PALLD: variants seen among roughly 807,000 people sequenced by gnomAD.
PALLD encodes palladin.
Under a neutral mutation model 123.5 loss-of-function variants are expected in PALLD, and 61 were observed. The ratio of observed to expected loss-of-function variants is 0.49; its 90% confidence interval spans 0.40 to 0.61. The LOEUF (loss-of-function observed/expected upper bound fraction) is 0.61. PALLD is among the 20% of genes least tolerant of loss of function. The pLI, the probability that PALLD is intolerant of heterozygous loss-of-function variation, is 0.00. For missense variants in PALLD, 1,273 were observed against 1,377.0 expected (o/e 0.92, Z 1.20); for synonymous variants, 465 against 496.4 (o/e 0.94, Z 0.84).
intron 2 of PALLD, among the ~76,000 whole-genome samples, chr4:168,615,748 A>G (rs1355815230): frequency 1.3e-5 from 2 of 152,046 alleles, no homozygotes; most frequent in African/African-American, 2.4e-5. Context: ...TTGAGGTATC[A>G]CTCACCAAAG....
intron 2 of PALLD, among the ~76,000 whole-genome samples, chr4:168,579,308 T>C (rs1413427974): frequency 6.6e-6 from 1 of 152,194 alleles, no homozygotes; most frequent in African/African-American, 2.4e-5. Context: ...ATTGGGGATA[T>C]TAAATGGAAT....
chr4:168,813,284 C>T (rs933477016), intron 10 of PALLD, among the ~76,000 whole-genome samples: 19 of 152,052 alleles, frequency 1.2e-4, no homozygotes, highest in African/African-American at 4.6e-4. Flanking sequence ...TTTAACATAT[C>T]TTCTTTACTT....
intron 9 of PALLD, 92 bp downstream of exon 9, chr4:168,709,239 G>A (rs1784495062): frequency 1.5e-6 from 2 of 1,332,530 alleles, no homozygotes; most frequent in Non-Finnish European, 2.1e-6. Flanking sequence ...GCCAGGTGCA[G>A]TGGCTCACAC....
intron 2 of PALLD, among the ~76,000 whole-genome samples, chr4:168,616,269 T>C (rs907745848): frequency 1.3e-5 from 2 of 152,204 alleles, no homozygotes; most frequent in African/African-American, 4.8e-5. Flanking sequence ...TGCTTAAACC[T>C]TTTCTCATTT....
At chr4:168,905,586 G>C (rs1024955286) in intron 15 of PALLD, among the ~76,000 whole-genome samples, 2 of 151,952 alleles carry the variant, frequency 1.3e-5, no homozygotes, top group Non-Finnish European at 2.9e-5. Context: ...AGCTAATCAG[G>C]TTGTGATAGA....
rs116836997 is a variant in PALLD, at chr4:168,907,421, T to A, written c.2622+3515T>A. On this transcript the variant is annotated intron_variant, in intron 15 of 21. Transcript: ENST00000505667. ...TGTGTGGTCTTCTGACCTCCTGGCT[T>A]TTCCATTTTATCACCTCCATGGGAA... Among the ~76,000 whole-genome samples, 209 of 152,274 alleles carry A rather than the reference T, an allele frequency of 1.4e-3. 1 individual carries two copies. Among genetic ancestry groups the A allele is most frequent in the Admixed American group, 3.4e-3 (52 of 15,306 alleles).
chr4:168,603,799 G>A (rs1268256228), intron 2 of PALLD, among the ~76,000 whole-genome samples: 1 of 152,146 alleles, frequency 6.6e-6, no homozygotes, highest in Admixed American at 6.5e-5. Context: ...ATGCAAAAAG[G>A]TTCCATAGTA....
At chr4:168,676,125 T>C (rs936098951) in intron 3 of PALLD, among the ~76,000 whole-genome samples, 2 of 152,244 alleles carry the variant, frequency 1.3e-5, no homozygotes, top group Non-Finnish European at 2.9e-5. Flanking sequence ...TTTTTATCTT[T>C]CCAATTTTTT....
At chr4:168,699,115 G>C (rs1407676195) in intron 8 of PALLD, among the ~76,000 whole-genome samples, 2 of 152,058 alleles carry the variant, frequency 1.3e-5, no homozygotes, top group African/African-American at 2.4e-5. Flanking sequence ...GTCTTGATCT[G>C]TTGCCCAGGC....
chr4:168,899,913 G>A (rs1284785855), intron 14 of PALLD, among the ~76,000 whole-genome samples: 6 of 148,336 alleles, frequency 4.0e-5, no homozygotes, highest in South Asian at 2.1e-4. Flanking sequence ...GTGAGACTCC[G>A]TCTCAAAAAA....
At chr4:168,853,227 AT>A (rs1748056608) in intron 10 of PALLD, among the ~76,000 whole-genome samples, 1 of 152,118 alleles carries the variant, frequency 6.6e-6, no homozygotes, top group African/African-American at 2.4e-5. Flanking sequence ...GTGTACAGAC[AT>A]TTTTTTCCTT....
chr4:168,613,336 C>G (rs1407083219), intron 2 of PALLD, among the ~76,000 whole-genome samples: 1 of 152,192 alleles, frequency 6.6e-6, no homozygotes, highest in Non-Finnish European at 1.5e-5. Flanking sequence ...AGATAAACAT[C>G]TTGACTGAGG....
intron 10 of PALLD, among the ~76,000 whole-genome samples, chr4:168,766,951 G>T (rs1252546228): frequency 6.6e-6 from 1 of 152,310 alleles, no homozygotes; most frequent in East Asian, 1.9e-4. Flanking sequence ...CAATGACCCT[G>T]TAAGTTATCT....
chr4:168,589,741 A>G (rs9884890), intron 2 of PALLD, among the ~76,000 whole-genome samples: 3,454 of 152,284 alleles, frequency 0.023, 113 homozygotes, highest in African/African-American at 0.075. Flanking sequence ...GTTGAGCCTC[A>G]CTCGCAACTG....
In PALLD at chr4:168,544,653, G is replaced by A. The variant is rs576676600; in HGVS notation, c.908+32241G>A. Reference sequence around the variant, plus strand: ...TTGCAAAATCAAAAAGGATAATTTCGTTTTACACTTATTTCTATTATCAGC... The same window carrying A: ...TTGCAAAATCAAAAAGGATAATTTCATTTTACACTTATTTCTATTATCAGC... On this transcript the variant is annotated intron_variant, in intron 2 of 21. Transcript: ENST00000505667. Among the ~76,000 whole-genome samples the A allele has an allele frequency of 1.1e-4, 17 of 152,182 alleles. 1 individual carries two copies. Among genetic ancestry groups the A allele is most frequent in the South Asian group, 6.2e-4 (3 of 4,822 alleles).
At chr4:168,613,210 G>T (rs1383304771) in intron 2 of PALLD, among the ~76,000 whole-genome samples, 3 of 152,156 alleles carry the variant, frequency 2.0e-5, no homozygotes, top group African/African-American at 7.2e-5. Flanking sequence ...GGACTGAGGG[G>T]TTTACTGGGA....
At position 168,512,299 on chromosome 4, in the gene PALLD, C is replaced by G. The variant is rs1030968980; in HGVS notation, c.795C>G (p.Leu265=). The change falls in exon 2 of 22, where the codon CTC becomes CTG. Residue 265 remains leucine, a synonymous_variant. Coordinates refer to ENST00000505667, the MANE Select transcript of PALLD (RefSeq NM_001166108.2). ...CTCACCCACAGCCCCACAGCGCCCT[C>G]CACTTCCCAGCTGCACCTCGATTCA... ...RKSHPQPHSA[L]HFPAAPRFIQ... 3 of 1,614,198 alleles carry G rather than the reference C, an allele frequency of 1.9e-6. No individual in the cohort carries two copies. Among genetic ancestry groups the G allele is most frequent in the Non-Finnish European group, 2.5e-6 (3 of 1,180,034 alleles).
At chr4:168,544,323 A>G (rs557474912) in intron 2 of PALLD, among the ~76,000 whole-genome samples, 5 of 152,380 alleles carry the variant, frequency 3.3e-5, no homozygotes, top group African/African-American at 1.2e-4. Flanking sequence ...TATGCCTGGC[A>G]TAGGCCCTGT....
At chr4:168,883,033 T>C (rs1323183257) in intron 10 of PALLD, among the ~76,000 whole-genome samples, 1 of 149,856 alleles carries the variant, frequency 6.7e-6, no homozygotes, top group Non-Finnish European at 1.5e-5. Context: ...GAGGTTGCAG[T>C]GAGCTGAGAT....
Sources: allele counts gnomAD v4.1 joint callset (sites outside exome capture counted in the v4.1 genomes callset), GRCh38; gene constraint gnomAD v4.1.1; transcripts MANE v1.5; gene names NCBI Gene and HGNC (gene_info 2026-07-23, HGNC 2026-07-21).